Variants in SUGCT observed in about 807,000 individuals in gnomAD.
The protein encoded by SUGCT is succinyl-CoA:glutarate-CoA transferase.
SUGCT carries 41 observed loss-of-function variants against 55.0 expected under a neutral mutation model. The observed-to-expected ratio is 0.74, with a 90% CI of 0.58 to 0.97. SUGCT has a LOEUF of 0.97. Ranked by LOEUF, SUGCT falls within the 50% of genes least tolerant of loss-of-function variation. The pLI, the probability that SUGCT is intolerant of heterozygous loss-of-function variation, is 0.00. For synonymous variants in SUGCT, 187 were observed against 200.4 expected (o/e 0.93, Z 0.56); for missense variants, 568 against 547.8 (o/e 1.04, Z -0.37).
At chr7:40,496,165 G>A (rs1056131307) in intron 11 of SUGCT, 119 bp from the exon 12 acceptor site, 3 of 640,540 alleles carry the variant, frequency 4.7e-6, no homozygotes, top group Non-Finnish European at 5.4e-6. Context: ...GAGGTGTAAA[G>A]AAAGACTAGG....
intron 12 of SUGCT, among the ~76,000 whole-genome samples, chr7:40,598,647 A>G (rs1405662073): frequency 1.3e-5 from 2 of 152,332 alleles, no homozygotes; most frequent in South Asian, 2.1e-4. Flanking sequence ...TGGGACATCA[A>G]CATCTGTTAA....
At chr7:40,490,427 A>G (rs944670298) in intron 11 of SUGCT, among the ~76,000 whole-genome samples, 2 of 152,094 alleles carry the variant, frequency 1.3e-5, no homozygotes, top group Non-Finnish European at 2.9e-5. Context: ...TTTGAGTTCC[A>G]CTTTTCCCAC....
chr7:41,011,768 C>T, the SUGCT span, among the ~76,000 whole-genome samples: 2 of 152,194 alleles, frequency 1.3e-5, no homozygotes, highest in African/African-American at 4.8e-5. Flanking sequence ...TACTACAGAC[C>T]TACCCACATA....
chr7:40,418,705 A>T (rs4364550), intron 9 of SUGCT, among the ~76,000 whole-genome samples: 43 of 151,822 alleles, frequency 2.8e-4, no homozygotes, highest in African/African-American at 1.0e-3. Context: ...TACAAGCGGG[A>T]TGTGGCCTGG....
At chr7:40,148,840 C>T (rs1368018385) in intron 1 of SUGCT, among the ~76,000 whole-genome samples, 1 of 152,018 alleles carries the variant, frequency 6.6e-6, no homozygotes, top group African/African-American at 2.4e-5. Flanking sequence ...TGAATGGATG[C>T]GGATGGAGAT....
Position 40,574,806 on chromosome 7 carries a change from A to C in SUGCT, c.1089+78420A>C, listed in dbSNP as rs192254206. Among the ~76,000 whole-genome samples the C allele has an allele frequency of 2.2e-3, 328 of 152,338 alleles. 2 individuals carry two copies. The highest frequency in any genetic ancestry group is 7.7e-3 in the African/African-American group (320 of 41,564). On this transcript the variant is annotated intron_variant, in intron 12 of 13. Transcript: ENST00000335693. ...TTTAACCGATATTTATTGAGCATCAAGTACTATGTTACAAATAACCGTAGG... is the reference window on the plus strand; with the variant it reads ...TTTAACCGATATTTATTGAGCATCACGTACTATGTTACAAATAACCGTAGG...
At chr7:40,358,561 A>G (rs1797988292) in intron 9 of SUGCT, among the ~76,000 whole-genome samples, 1 of 152,078 alleles carries the variant, frequency 6.6e-6, no homozygotes, top group Admixed American at 6.6e-5. Context: ...AAAAATACAA[A>G]AAATTAGCCA....
At chr7:40,761,935 G>A (rs1157380983) in intron 13 of SUGCT, among the ~76,000 whole-genome samples, 1 of 152,184 alleles carries the variant, frequency 6.6e-6, no homozygotes, top group African/African-American at 2.4e-5. Context: ...TTTCTGCTAT[G>A]ACAGCGGAAT....
intron 10 of SUGCT, among the ~76,000 whole-genome samples, chr7:40,454,589 A>G (rs998050929): frequency 7.2e-6 from 1 of 139,740 alleles, no homozygotes; most frequent in African/African-American, 2.7e-5. Context: ...TGGATACACA[A>G]AAATCATCCA....
In SUGCT at chr7:40,594,483, T is replaced by C. The variant is rs565389062; in HGVS notation, c.1089+98097T>C. On this transcript the variant is annotated intron_variant, in intron 12 of 13. Transcript: ENST00000335693. Reference sequence around the variant, plus strand: ...CTCCACTTGCCAAGTTGCTAGGAATTTGCCCATTTCAACATGCTCTCAAAT... The same window carrying C: ...CTCCACTTGCCAAGTTGCTAGGAATCTGCCCATTTCAACATGCTCTCAAAT... Among the ~76,000 whole-genome samples the C allele has an allele frequency of 1.3e-3, 196 of 152,282 alleles. 1 individual carries two copies. Among genetic ancestry groups the C allele is most frequent in the Middle Eastern group, 0.01 (3 of 294 alleles).
At chr7:40,872,645 A>C in the SUGCT span, among the ~76,000 whole-genome samples, 1 of 152,198 alleles carries the variant, frequency 6.6e-6, no homozygotes, top group Non-Finnish European at 1.5e-5. Flanking sequence ...TGCCATTCTT[A>C]TTTCTTTCAT....
At chr7:40,403,920 C>T (rs888204790) in intron 9 of SUGCT, among the ~76,000 whole-genome samples, 2 of 152,164 alleles carry the variant, frequency 1.3e-5, no homozygotes, top group Non-Finnish European at 2.9e-5. Context: ...GGCTTGCTGG[C>T]TGATGCAATG....
chr7:40,942,721 A>G, the SUGCT span, among the ~76,000 whole-genome samples: 7,954 of 151,878 alleles, frequency 0.052, 211 homozygotes, highest in South Asian at 0.074. Flanking sequence ...GATAATTTAC[A>G]TAATGCCATA....
At chr7:40,596,860 T>C (rs1200776141) in intron 12 of SUGCT, among the ~76,000 whole-genome samples, 3 of 152,208 alleles carry the variant, frequency 2.0e-5, no homozygotes, top group African/African-American at 7.2e-5. Context: ...TATTCCTGTA[T>C]TAACACAATC....
chr7:40,506,088 C>T (rs1266257339), intron 12 of SUGCT, among the ~76,000 whole-genome samples: 4 of 152,016 alleles, frequency 2.6e-5, no homozygotes, highest in Non-Finnish European at 5.9e-5. Context: ...TACTGGTGCT[C>T]TCTTTTTTAT....
intron 1 of SUGCT, among the ~76,000 whole-genome samples, chr7:40,164,078 C>A (rs941307934): frequency 2.6e-5 from 4 of 151,914 alleles, no homozygotes; most frequent in African/African-American, 9.7e-5. Context: ...CCTCGGCCCC[C>A]CAAAGTCCTG....
intron 13 of SUGCT, among the ~76,000 whole-genome samples, chr7:40,809,532 G>C (rs1554426111): frequency 6.6e-6 from 1 of 151,998 alleles, no homozygotes; most frequent in Non-Finnish European, 1.5e-5. Context: ...AACCTAGTAT[G>C]GTTAAAGAAG....
At chr7:40,576,331 G>C (rs1796755310) in intron 12 of SUGCT, among the ~76,000 whole-genome samples, 1 of 152,184 alleles carries the variant, frequency 6.6e-6, no homozygotes, top group African/African-American at 2.4e-5. Flanking sequence ...ATCAAACAAG[G>C]GAAGCAGGTT....
At chr7:40,165,907 A>G (rs1784402927) in intron 1 of SUGCT, among the ~76,000 whole-genome samples, 1 of 152,124 alleles carries the variant, frequency 6.6e-6, no homozygotes, top group Non-Finnish European at 1.5e-5. Flanking sequence ...ATCACTTAAG[A>G]TCAGGAATTA....
Sources: allele counts gnomAD v4.1 joint callset (sites outside exome capture counted in the v4.1 genomes callset), GRCh38; gene constraint gnomAD v4.1.1; transcripts MANE v1.5; gene names NCBI Gene and HGNC (gene_info 2026-07-23, HGNC 2026-07-21).